The following TCF20 variants were observed in gnomAD, a reference collection of about 807,000 sequenced individuals.
TCF20 encodes SPRE-binding protein.
TCF20 carries 3 observed loss-of-function variants against 148.6 expected under a neutral mutation model. That is an observed-to-expected ratio of 0.02 (90% CI 0.01 to 0.05). The LOEUF is 0.05. TCF20 is among the 10% of genes least tolerant of loss of function. The pLI, the probability that TCF20 is intolerant of heterozygous loss-of-function variation, is 1.00. For missense variants in TCF20, 2,350 were observed against 2,429.3 expected (o/e 0.97, Z 0.69); for synonymous variants, 1,049 against 909.5 (o/e 1.15, Z -2.76).
chr22:42,176,132 T>C (rs1466807919), intron 3 of TCF20, among the ~76,000 whole-genome samples: 1 of 152,332 alleles, frequency 6.6e-6, no homozygotes, highest in African/African-American at 2.4e-5. Flanking sequence ...GTTGATCAAA[T>C]AGTGCCTTGG....
intron 2 of TCF20, among the ~76,000 whole-genome samples, chr22:42,195,388 GA>G (rs937000073): frequency 6.6e-5 from 10 of 151,024 alleles, no homozygotes; most frequent in African/African-American, 1.7e-4. Flanking sequence ...ACTATAACAG[GA>G]AAACAAAAAT....
chr22:42,167,727 T>C (rs1935875276), intron 5 of TCF20, among the ~76,000 whole-genome samples: 1 of 151,938 alleles, frequency 6.6e-6, no homozygotes, highest in Admixed American at 6.6e-5. Flanking sequence ...ACAAGAATTT[T>C]TTTTCTTTTT....
chr22:42,337,303 A>C (rs1006083775), intron 1 of TCF20, among the ~76,000 whole-genome samples: 2 of 145,420 alleles, frequency 1.4e-5, no homozygotes, highest in Admixed American at 6.9e-5. Context: ...CCAAGCCCAT[A>C]CCTCCCCCTC....
chr22:42,278,248 G>A (rs925420203), intron 1 of TCF20: 4 of 152,188 alleles, frequency 2.6e-5, no homozygotes, highest in African/African-American at 9.7e-5. Context: ...TACAAAGCAT[G>A]TTTCACAGGA....
At chr22:42,256,465 T>C (rs1314765160) in intron 1 of TCF20, among the ~76,000 whole-genome samples, 1 of 151,924 alleles carries the variant, frequency 6.6e-6, no homozygotes, top group Non-Finnish European at 1.5e-5. Flanking sequence ...CTAGCCAATG[T>C]AGCAAAGTTT....
intron 1 of TCF20, among the ~76,000 whole-genome samples, chr22:42,332,229 T>C (rs953206710): frequency 6.6e-6 from 1 of 152,182 alleles, no homozygotes; most frequent in African/African-American, 2.4e-5. Context: ...CCAGCTGGGC[T>C]CTGAGGGTAT....
At chr22:42,246,964 T>C (rs939613361) in intron 1 of TCF20, among the ~76,000 whole-genome samples, 4 of 127,046 alleles carry the variant, frequency 3.1e-5, no homozygotes, top group African/African-American at 1.2e-4. Flanking sequence ...AGACTCTGTC[T>C]CAAAAAATTA....
At chr22:42,265,929 A>C (rs134875) in intron 1 of TCF20, among the ~76,000 whole-genome samples, 3,616 of 152,270 alleles carry the variant, frequency 0.024, 83 homozygotes, top group Non-Finnish European at 0.04. Context: ...TCACAGATTA[A>C]ATCTCAAGTA....
At position 42,211,585 on chromosome 22, in the gene TCF20, C is replaced by G. The variant is rs1199938552; in HGVS notation, c.3721G>C (p.Gly1241Arg). 6.2e-7 allele frequency: 1 copy of G among 1,614,202 alleles called. No individual in the cohort carries two copies. Among genetic ancestry groups the G allele is most frequent in the South Asian group, 1.1e-5 (1 of 91,088 alleles). ...TTTTGAGAAGAATGATCCTCCTGGC[C>G]TGGAAGTCTCAGCATAACACTACCA... is the stretch of plus-strand genomic sequence containing the variant. ...KPGSVMLRLP[G>R]QEDHSSQNPL... is the part of the protein sequence containing the mutation. The change falls in exon 2 of 6, where the codon GGC (glycine) becomes CGC (arginine). Residue 1241 changes from glycine (G) to arginine (R), a missense_variant. Transcript: ENST00000677622.
rs1205425807 is a variant in TCF20 at position 42,214,568 on chromosome 22, G to T, written c.738C>A (p.Ser246=). The change falls in exon 2 of 6, where the codon TCC becomes TCA. Residue 246 remains serine, a synonymous_variant. Coordinates refer to ENST00000677622, the MANE Select transcript of TCF20 (RefSeq NM_001378418.1). The part of the protein sequence containing the change: ...QSSASSSSSS[S]FPSPQRFSQS... ...GGCTAAAACGCTGTGGTGAAGGGAA[G>T]GAGGAGGAGGAGGAGGAGGAAGCAG... 2 of 1,597,996 alleles carry T rather than the reference G, an allele frequency of 1.3e-6. No individual in the cohort carries two copies. Among genetic ancestry groups the T allele is most frequent in the East Asian group, 2.2e-5 (1 of 44,550 alleles).
chr22:42,324,002 TGGC>T (rs1343990092), intron 1 of TCF20, among the ~76,000 whole-genome samples: 3 of 132,988 alleles, frequency 2.3e-5, no homozygotes, highest in Non-Finnish European at 4.7e-5. Context: ...GTGGAGGTGG[TGGC>T]GGAGGTTATG....
In TCF20 at chr22:42,225,581, T is replaced by A. The variant is rs527310867; in HGVS notation, c.-36-10240A>T. On this transcript the variant is annotated intron_variant, in intron 1 of 5. Transcript: ENST00000677622. ...GTGAGCCGAGATTGCGCCACTGCAG[T>A]CCGCAGTCCGGCCTGGGCGACAGAG... 4.5e-4 allele frequency among the ~76,000 whole-genome samples: 61 copies of A among 135,920 alleles called. 1 individual carries two copies. The South Asian group carries it at 0.013, about 29-fold the overall frequency. The allele number at this position is 135,920 out of a possible 152,430, so 89.2% of individuals were successfully genotyped here. A position where few individuals can be genotyped will look rare whatever the true frequency, so the allele number is the denominator to read the frequency against.
intron 1 of TCF20, among the ~76,000 whole-genome samples, chr22:42,242,397 T>C (rs1022874352): frequency 6.6e-6 from 1 of 151,856 alleles, no homozygotes; most frequent in African/African-American, 2.4e-5. Flanking sequence ...ACAAAACAGA[T>C]GGTCTCTATT....
At chr22:42,200,883 T>C (rs1937964248) in intron 2 of TCF20, among the ~76,000 whole-genome samples, 1 of 152,150 alleles carries the variant, frequency 6.6e-6, no homozygotes, top group African/African-American at 2.4e-5. Context: ...TCACTAATGG[T>C]TTTGCACTGC....
chr22:42,176,769 C>T (rs949716767), intron 3 of TCF20, among the ~76,000 whole-genome samples: 2 of 152,050 alleles, frequency 1.3e-5, no homozygotes, highest in African/African-American at 2.4e-5. Flanking sequence ...TGCATGTTCT[C>T]GCTCATGTGG....
chr22:42,171,686 CAG>C (rs1450325225), intron 3 of TCF20, among the ~76,000 whole-genome samples: 12 of 152,176 alleles, frequency 7.9e-5, no homozygotes, highest in Admixed American at 2.0e-4. Flanking sequence ...TCCAATCTGC[CAG>C]AGAGTTTATA....
intron 2 of TCF20, among the ~76,000 whole-genome samples, chr22:42,189,019 G>T (rs1366109767): frequency 6.6e-6 from 1 of 152,118 alleles, no homozygotes; most frequent in African/African-American, 2.4e-5. Context: ...TGGGGGGAAG[G>T]GGAACAAACT....
chr22:42,262,524 C>T (rs148322505), intron 1 of TCF20, among the ~76,000 whole-genome samples: 21 of 152,108 alleles, frequency 1.4e-4, no homozygotes, highest in African/African-American at 4.1e-4. Flanking sequence ...ATGGTCAAGC[C>T]GCTGTGTCGA....
In TCF20 at chr22:42,161,094, C is replaced by A. The variant is rs1935421173; in HGVS notation, c.*309G>T. The A allele has an allele frequency of 2.6e-6, 1 of 387,154 alleles. No homozygotes were observed. The highest frequency in any genetic ancestry group is 4.6e-6 in the Non-Finnish European group (1 of 215,304). 24.0% of individuals were successfully genotyped at this position (387,154 alleles called of 1,614,324 possible). A position where few individuals can be genotyped will look rare whatever the true frequency, so the allele number is the denominator to read the frequency against. ...TATCCCTCCCTTTTAATTCCCCCCACCCTTTCCCCATCATCCCACCCCTCC... is the reference window on the plus strand; with the variant it reads ...TATCCCTCCCTTTTAATTCCCCCCAACCTTTCCCCATCATCCCACCCCTCC... On this transcript the variant is annotated 3_prime_UTR_variant, in exon 6 of 6. Transcript: ENST00000677622.
Sources: allele counts gnomAD v4.1 joint callset (sites outside exome capture counted in the v4.1 genomes callset), GRCh38; gene constraint gnomAD v4.1.1; transcripts MANE v1.5; gene names NCBI Gene and HGNC (gene_info 2026-07-23, HGNC 2026-07-21).